Variants in DAB1 observed in about 807,000 individuals in gnomAD.
DAB1 encodes the protein DAB adaptor protein 1.
A neutral mutation model predicts 64.6 loss-of-function variants in DAB1; 15 were observed. That is an observed-to-expected ratio of 0.23 (90% CI 0.16 to 0.36). DAB1 has a LOEUF of 0.36. Ranked by LOEUF, DAB1 falls within the 10% of genes least tolerant of loss-of-function variation. The probability of loss-of-function intolerance (pLI) is 1.00; values close to 1 mark genes in which losing one functional copy is unlikely to be tolerated. For synonymous variants in DAB1, 235 were observed against 251.9 expected (o/e 0.93, Z 0.64); for missense variants, 596 against 706.7 (o/e 0.84, Z 1.78).
Position 57,015,285 on chromosome 1 carries a change from G to A in DAB1, c.1042C>T (p.Pro348Ser), listed in dbSNP as rs1354818384. 11 of 1,614,036 alleles carry A rather than the reference G, an allele frequency of 6.8e-6. No homozygotes were observed. Among genetic ancestry groups the A allele is most frequent in the South Asian group, 3.3e-5 (3 of 91,078 alleles). Residue 348 changes from proline (P) to serine (S), a missense_variant, in exon 12 of 15, where the codon CCT becomes TCT. Pro to Ser is a moderately conservative substitution (Grantham distance 74). Around this residue, in one of 3 missense-constraint regions of DAB1, gnomAD observed 377 missense variants for 400.4 expected, o/e 0.94. Coordinates refer to ENST00000371236, the MANE Select transcript of DAB1 (RefSeq NM_001365792.1). Reference protein sequence around the residue: ...PIAWGQPGLFPATQQPWPTVA... With the variant: ...PIAWGQPGLFSATQQPWPTVA... ...GTTGGCCAGGGCTGCTGAGTGGCAG[G>A]AAAGAGACCCGGCTGGCCCCATGCG...
intron 5 of DAB1, among the ~76,000 whole-genome samples, chr1:58,109,636 T>A (rs1470029859): frequency 6.6e-6 from 1 of 151,938 alleles, no homozygotes; most frequent in Non-Finnish European, 1.5e-5. Flanking sequence ...CCAGCTTGCA[T>A]CATACTCACG....
intron 3 of DAB1, among the ~76,000 whole-genome samples, chr1:58,491,908 A>C (rs1261683527): frequency 6.6e-6 from 1 of 152,224 alleles, no homozygotes; most frequent in Non-Finnish European, 1.5e-5. Flanking sequence ...CTCTGCACCA[A>C]GTGGACCTAA....
intron 7 of DAB1, among the ~76,000 whole-genome samples, chr1:57,631,376 T>C (rs536618540): frequency 6.6e-6 from 1 of 152,348 alleles, no homozygotes; most frequent in East Asian, 1.9e-4. Flanking sequence ...AAAATATATT[T>C]GCAAATCATT....
intron 10 of DAB1, 29 bp from the exon 11 acceptor site, chr1:57,023,668 A>G (rs753222488): frequency 1.4e-6 from 2 of 1,441,184 alleles, no homozygotes; most frequent in Non-Finnish European, 9.7e-7. Flanking sequence ...CAGAGGACAC[A>G]TGAGACCTGG....
rs1553154220 is a variant in DAB1, at chr1:58,032,036, G to GTGTC, written n.387+118474_387+118475insGACA. ...TGTGTGTGTGTGTGTGTGTGTGTGT[G>GTGTC]TGTTTAATCTGACCTTCTAAACTCT... On this transcript the variant is annotated intron_variant and non_coding_transcript_variant, in intron 5 of 20. Transcript: ENST00000485760. 2.8e-4 allele frequency among the ~76,000 whole-genome samples: 37 copies of GTGTC among 130,032 alleles called. No homozygotes were observed. The South Asian group carries it at 5.3e-3, about 19-fold the overall frequency. The allele number at this position is 130,032 out of a possible 152,430, so 85.3% of individuals were successfully genotyped here. A position where few individuals can be genotyped will look rare whatever the true frequency, so the allele number is the denominator to read the frequency against.
chr1:58,355,248 C>T (rs1644099066), intron 3 of DAB1, among the ~76,000 whole-genome samples: 1 of 152,186 alleles, frequency 6.6e-6, no homozygotes, highest in Admixed American at 6.5e-5. Flanking sequence ...TCCAAACTCA[C>T]CAGCCAGTCT....
At chr1:57,691,147 T>C (rs1646758847) in intron 6 of DAB1, among the ~76,000 whole-genome samples, 1 of 152,174 alleles carries the variant, frequency 6.6e-6, no homozygotes, top group African/African-American at 2.4e-5. Context: ...AGAAGTTTTC[T>C]GTCTAGCTAG....
intron 2 of DAB1, among the ~76,000 whole-genome samples, chr1:57,152,931 C>T (rs571997128): frequency 6.6e-6 from 1 of 152,226 alleles, no homozygotes; most frequent in Admixed American, 6.5e-5. Flanking sequence ...CAATCACATA[C>T]CACTATTAGT....
At chr1:58,418,390 T>G (rs1644742178) in intron 3 of DAB1, among the ~76,000 whole-genome samples, 2 of 152,082 alleles carry the variant, frequency 1.3e-5, no homozygotes, top group African/African-American at 2.4e-5. Flanking sequence ...AATGACTTTC[T>G]CCTCTGCTTG....
intron 7 of DAB1, among the ~76,000 whole-genome samples, chr1:57,473,690 C>T (rs1405558155): frequency 2.6e-5 from 4 of 152,178 alleles, no homozygotes; most frequent in Admixed American, 2.6e-4. Context: ...GCATCTAGAG[C>T]TGCTCAATAA....
At chr1:57,295,320 G>A (rs1673104919) in intron 1 of DAB1, among the ~76,000 whole-genome samples, 1 of 152,190 alleles carries the variant, frequency 6.6e-6, no homozygotes, top group Admixed American at 6.5e-5. Context: ...AAAACATAAT[G>A]TAGTGCTAAA....
chr1:58,032,441 G>T (rs1289320405), intron 5 of DAB1, among the ~76,000 whole-genome samples: 1 of 152,166 alleles, frequency 6.6e-6, no homozygotes, highest in Non-Finnish European at 1.5e-5. Flanking sequence ...CAAGCACAAT[G>T]CCTGGCACTT....
intron 2 of DAB1, among the ~76,000 whole-genome samples, chr1:57,203,191 C>T (rs1252156508): frequency 1.3e-5 from 2 of 152,172 alleles, no homozygotes. Flanking sequence ...ATCTTTCACA[C>T]CTCCAAGTTT....
chr1:57,453,243 A>C (rs989863513), intron 7 of DAB1, among the ~76,000 whole-genome samples: 2 of 152,162 alleles, frequency 1.3e-5, no homozygotes, highest in Non-Finnish European at 2.9e-5. Context: ...TCTATTCCAA[A>C]GTTTATATTC....
intron 6 of DAB1, among the ~76,000 whole-genome samples, chr1:57,705,999 T>C (rs766858325): frequency 2.4e-4 from 37 of 151,990 alleles, no homozygotes; most frequent in Non-Finnish European, 2.9e-4. Context: ...TTTTCAAATA[T>C]ATAATTTAAG....
intron 2 of DAB1, among the ~76,000 whole-genome samples, chr1:57,257,175 C>T (rs1354892105): frequency 6.6e-5 from 10 of 152,160 alleles, no homozygotes; most frequent in Non-Finnish European, 1.5e-4. Flanking sequence ...TGCTGAATTG[C>T]CTTCCCCAGC....
chr1:58,357,680 T>C (rs1372168967), intron 3 of DAB1, among the ~76,000 whole-genome samples: 2 of 152,198 alleles, frequency 1.3e-5, no homozygotes, highest in Non-Finnish European at 2.9e-5. Context: ...AAAATGCAGA[T>C]TCTGATGCAG....
chr1:57,148,416 A>G (rs1659351798), intron 2 of DAB1, among the ~76,000 whole-genome samples: 1 of 152,234 alleles, frequency 6.6e-6, no homozygotes, highest in Admixed American at 6.5e-5. Context: ...CACCATTAAA[A>G]GGGTAATTTT....
intron 4 of DAB1, among the ~76,000 whole-genome samples, chr1:58,338,006 A>G (rs994003420): frequency 7.2e-5 from 11 of 152,186 alleles, no homozygotes; most frequent in Middle Eastern, 3.4e-3. Context: ...ATATATGAAG[A>G]AAAGCTTAGC....
Sources: allele counts gnomAD v4.1 joint callset (sites outside exome capture counted in the v4.1 genomes callset), GRCh38; gene constraint gnomAD v4.1.1; regional missense constraint gnomAD v4.1.1; transcripts MANE v1.5; gene names NCBI Gene and HGNC (gene_info 2026-07-23, HGNC 2026-07-21).